The following CLIP2 variants were observed in gnomAD, a reference collection of about 807,000 sequenced individuals.
CLIP2 encodes the protein CAP-Gly domain-containing linker protein 2.
CLIP2 carries 41 observed loss-of-function variants against 111.7 expected under a neutral mutation model. The ratio of observed to expected loss-of-function variants is 0.37; its 90% CI spans 0.29 to 0.48. The LOEUF (loss-of-function observed/expected upper bound fraction) is 0.48. CLIP2 is among the 20% of genes least tolerant of loss of function. The probability of loss-of-function intolerance (pLI) is 0.99; values close to 1 mark genes in which losing one functional copy is unlikely to be tolerated. For synonymous variants in CLIP2, 660 were observed against 644.2 expected (o/e 1.02, Z -0.37); for missense variants, 1,160 against 1,422.1 (o/e 0.82, Z 2.96).
At position 74,400,499 on chromosome 7, in the gene CLIP2, G is replaced by T. The variant is rs782295182; in HGVS notation, c.3010G>T (p.Ala1004Ser). The T allele has an allele frequency of 3.7e-6, 6 of 1,612,284 alleles. No individual in the cohort carries two copies. The highest frequency in any genetic ancestry group is 5.1e-6 in the Non-Finnish European group (6 of 1,179,112). ...CGCCCTGCGGGATGCGCTGGACCAG[G>T]CTCAGCAGGTGGAGAAGCTGATGGA... The part of the protein sequence containing the change: ...EDALRDALDQ[A>S]QQVEKLMEAM... The change falls in exon 15 of 17, where the codon GCT becomes TCT. Residue 1004 changes from alanine (A) to serine (S), a missense_variant. Coordinates refer to ENST00000223398, the MANE Select transcript of CLIP2 (RefSeq NM_003388.5).
chr7:74,353,273 C>T (rs770811203), intron 3 of CLIP2, among the ~76,000 whole-genome samples: 6 of 145,632 alleles, frequency 4.1e-5, no homozygotes, highest in Non-Finnish European at 9.0e-5. Flanking sequence ...TTTTTTGACT[C>T]AGAGTCTCGC....
At chr7:74,306,344 AGT>A (rs1788487914) in intron 1 of CLIP2, among the ~76,000 whole-genome samples, 1 of 152,044 alleles carries the variant, frequency 6.6e-6, no homozygotes, top group Non-Finnish European at 1.5e-5. Context: ...CCCTGGAGAG[AGT>A]GGGCTCTGGT....
rs566521436 is a variant in CLIP2, at chr7:74,317,365, T to A, written c.-67-115T>A. 3 of 611,298 alleles carry A rather than the reference T, an allele frequency of 4.9e-6. No individual in the cohort carries two copies. The South Asian group carries it at 2.4e-4, about 48-fold the overall frequency. 37.9% of individuals were successfully genotyped at this position (611,298 alleles called of 1,614,324 possible). A position where few individuals can be genotyped will look rare whatever the true frequency, so the allele number is the denominator to read the frequency against. On this transcript the variant is annotated intron_variant, in intron 1 of 16. Transcript: ENST00000223398. Reference sequence around the variant, plus strand: ...GGGAGCAGTGAGCTGATAGGTTAAATCGGGTGTTGCCTCGTCCAGCCCACC... The same window carrying A: ...GGGAGCAGTGAGCTGATAGGTTAAAACGGGTGTTGCCTCGTCCAGCCCACC...
At chr7:74,347,316 T>C (rs191010344) in intron 3 of CLIP2, among the ~76,000 whole-genome samples, 1 of 152,184 alleles carries the variant, frequency 6.6e-6, no homozygotes, top group Non-Finnish European at 1.5e-5. Flanking sequence ...TCGCCTAGGC[T>C]GGAGTGCAGT....
intron 1 of CLIP2, among the ~76,000 whole-genome samples, chr7:74,316,556 A>G (rs1788777358): frequency 7.0e-6 from 1 of 143,512 alleles, no homozygotes; most frequent in South Asian, 2.2e-4. Context: ...CAGCCCTTTT[A>G]GGGCTTTTTT....
Position 74,375,921 on chromosome 7 carries a change from A to T in CLIP2, c.1520A>T (p.Gln507Leu). 4 of 1,590,336 alleles carry T rather than the reference A, an allele frequency of 2.5e-6. No homozygotes were observed. Among genetic ancestry groups the T allele is most frequent in the Non-Finnish European group, 3.4e-6 (4 of 1,170,006 alleles). Residue 507 changes from glutamine (Q) to leucine (L), a missense_variant, in exon 10 of 17, where the codon CAG becomes CTG. Around this residue, in one of 5 missense-constraint regions of CLIP2, gnomAD observed 676 missense variants for 777.8 expected, o/e 0.87. Coordinates refer to ENST00000223398, the MANE Select transcript of CLIP2 (RefSeq NM_003388.5). ...GTGGCCGAGAAGTCGCGCGTGCTGC[A>T]GCTGGAGGAGGAGCTCACCCTGCGC... is the stretch of plus-strand genomic sequence containing the variant. ...TTVAEKSRVL[Q>L]LEEELTLRRG...
Position 74,372,406 on chromosome 7 carries a change from G to A in CLIP2, c.1381-526G>A, listed in dbSNP as rs533423622. On this transcript the variant is annotated intron_variant, in intron 8 of 16. Coordinates refer to ENST00000223398, the MANE Select transcript of CLIP2 (RefSeq NM_003388.5). ...TTGCACTTTTAGCACAGGCCTTGGGGGGGGGGGGGAGTCGAGCGGGAATCC... is the reference window on the plus strand; with the variant it reads ...TTGCACTTTTAGCACAGGCCTTGGGAGGGGGGGGGAGTCGAGCGGGAATCC... Among the ~76,000 whole-genome samples, 192 of 148,706 alleles carry A rather than the reference G, an allele frequency of 1.3e-3. 24 individuals are homozygous for A. The highest frequency in any genetic ancestry group is 1.7e-3 in the African/African-American group (67 of 40,518).
At position 74,389,249 on chromosome 7, in the gene CLIP2, C is replaced by CG; in HGVS notation, c.2712dup (p.Lys905GlufsTer29). On this transcript the variant is annotated frameshift_variant, in exon 13 of 17. Transcript: ENST00000223398. LOFTEE classifies it high-confidence loss of function. ...AGTCCTCATCAGCCAGGAGCTGCTGCGGAAGGAGCGGTGAGGCGGCCGTGG... is the reference window on the plus strand; with the variant it reads ...AGTCCTCATCAGCCAGGAGCTGCTGCGGGAAGGAGCGGTGAGGCGGCCGTGG... The CG allele has an allele frequency of 6.3e-7, 1 of 1,598,840 alleles. No homozygotes were observed. The highest frequency in any genetic ancestry group is 2.3e-5 in the East Asian group (1 of 43,982).
chr7:74,401,975 T>A (rs1467447784), intron 16 of CLIP2, among the ~76,000 whole-genome samples: 5 of 149,856 alleles, frequency 3.3e-5, no homozygotes, highest in Non-Finnish European at 5.9e-5. Flanking sequence ...AAAAAAATTT[T>A]AAAAAGGCTG....
At position 74,338,869 on chromosome 7, in the gene CLIP2, C is replaced by A. The variant is rs1554732763; in HGVS notation, c.543C>A (p.Thr181=). The change falls in exon 3 of 17, where the codon ACC becomes ACA. Residue 181 remains threonine (T), a synonymous_variant. Coordinates refer to ENST00000223398, the MANE Select transcript of CLIP2 (RefSeq NM_003388.5). This position sits in a 1 kb window ranked among gnomAD's most constrained non-coding sequence, Gnocchi z 4.3. ...LHSGTATPPL[T]SRVIPLRESV... Reference sequence around the variant, plus strand: ...CGGGCACGGCCACGCCCCCGCTGACCAGCCGCGTCATCCCCCTGCGGGAGA... The same window carrying A: ...CGGGCACGGCCACGCCCCCGCTGACAAGCCGCGTCATCCCCCTGCGGGAGA... 1 of 1,608,096 alleles carries A rather than the reference C, an allele frequency of 6.2e-7. No individual in the cohort carries two copies. The highest frequency in any genetic ancestry group is 1.1e-5 in the South Asian group (1 of 91,088).
chr7:74,315,047 G>A (rs1310696597), intron 1 of CLIP2, among the ~76,000 whole-genome samples: 1 of 152,040 alleles, frequency 6.6e-6, no homozygotes, highest in East Asian at 1.9e-4. Flanking sequence ...GAGGCGAGGC[G>A]GGAGGATCAC....
intron 8 of CLIP2, 36 bp from the exon 9 acceptor site, chr7:74,372,896 C>T: frequency 1.5e-6 from 1 of 672,804 alleles, no homozygotes; most frequent in Non-Finnish European, 2.5e-6. Flanking sequence ...CGTCCCCGCC[C>T]CCACCCCCCC....
intron 3 of CLIP2, among the ~76,000 whole-genome samples, chr7:74,344,068 C>T (rs1189163411): frequency 6.6e-6 from 1 of 152,094 alleles, no homozygotes; most frequent in Non-Finnish European, 1.5e-5. Context: ...ACTGACCAGC[C>T]CAGATTGCTC....
chr7:74,338,641 G>C lies in CLIP2; in HGVS notation c.315G>C (p.Pro105=). The change falls in exon 3 of 17, where the codon CCG becomes CCC. Residue 105 remains proline, a synonymous_variant. Coordinates refer to ENST00000223398, the MANE Select transcript of CLIP2 (RefSeq NM_003388.5). The surrounding 1 kb of genome is among the most constrained non-coding windows in gnomAD (Gnocchi z 4.3). ...VQYLGETQFA[P]GQWAGVVLDD... ...ATCTGGGAGAGACGCAGTTCGCACCGGGCCAGTGGGCTGGCGTGGTGCTGG... is the reference window on the plus strand; with the variant it reads ...ATCTGGGAGAGACGCAGTTCGCACCCGGCCAGTGGGCTGGCGTGGTGCTGG... The C allele has an allele frequency of 6.4e-7, 1 of 1,566,538 alleles. No individual in the cohort carries two copies. The highest frequency in any genetic ancestry group is 8.6e-7 in the Non-Finnish European group (1 of 1,158,194).
At chr7:74,341,127 G>GAT (rs1554305303) in intron 3 of CLIP2, among the ~76,000 whole-genome samples, 5 of 152,098 alleles carry the variant, frequency 3.3e-5, no homozygotes, top group Admixed American at 1.3e-4. Context: ...GCTGCGATGT[G>GAT]GTTTTATCAT....
intron 2 of CLIP2, among the ~76,000 whole-genome samples, chr7:74,330,290 C>G (rs1170870518): frequency 6.8e-6 from 1 of 147,466 alleles, no homozygotes; most frequent in Non-Finnish European, 1.5e-5. Context: ...GAGTCTCGCT[C>G]CCGTCACCCA....
intron 3 of CLIP2, among the ~76,000 whole-genome samples, chr7:74,345,856 A>AAGAGAG (rs1232073001): frequency 6.6e-6 from 1 of 151,592 alleles, no homozygotes; most frequent in Non-Finnish European, 1.5e-5. Flanking sequence ...TCAAGAAAGC[A>AAGAGAG]AGAGAGAGAG....
intron 1 of CLIP2, among the ~76,000 whole-genome samples, chr7:74,293,345 C>CCT (rs2116436217): frequency 6.6e-6 from 1 of 152,270 alleles, no homozygotes; most frequent in East Asian, 1.9e-4. Flanking sequence ...ATTTTTTCGG[C>CCT]CTCTCTCAGC....
At chr7:74,403,348 A>G (rs1171309243) in intron 16 of CLIP2, among the ~76,000 whole-genome samples, 3 of 151,896 alleles carry the variant, frequency 2.0e-5, no homozygotes, top group Admixed American at 1.3e-4. Context: ...AGGTGGGTGG[A>G]TCATGAGGTC....
Sources: allele counts gnomAD v4.1 joint callset (sites outside exome capture counted in the v4.1 genomes callset), GRCh38; gene constraint gnomAD v4.1.1; regional missense constraint gnomAD v4.1.1; non-coding constraint Gnocchi (gnomAD v3.1); transcripts MANE v1.5; gene names NCBI Gene and HGNC (gene_info 2026-07-23, HGNC 2026-07-21).